ATRNL1: variants seen among roughly 807,000 people sequenced by gnomAD.
The protein encoded by ATRNL1 is attractin-like protein 1.
A neutral mutation model predicts 182.7 loss-of-function variants in ATRNL1; 95 were observed. The ratio of observed to expected loss-of-function variants is 0.52; its 90% CI spans 0.44 to 0.62. The LOEUF is 0.62. Ranked by LOEUF, ATRNL1 falls within the 20% of genes least tolerant of loss-of-function variation. ATRNL1 has a pLI of 0.00. For synonymous variants in ATRNL1, 576 were observed against 568.3 expected (o/e 1.01, Z -0.19); for missense variants, 1,471 against 1,679.5 (o/e 0.88, Z 2.17).
At chr10:115,900,810 C>T (rs1402126801) in intron 28 of ATRNL1, among the ~76,000 whole-genome samples, 5 of 152,070 alleles carry the variant, frequency 3.3e-5, no homozygotes, top group African/African-American at 1.2e-4. Context: ...ATATGAAGAG[C>T]ACCTATAATC....
chr10:115,764,347 A>T (rs1948804575), intron 27 of ATRNL1, among the ~76,000 whole-genome samples: 1 of 151,876 alleles, frequency 6.6e-6, no homozygotes. Flanking sequence ...ACTAGAGTTC[A>T]CTCTTTGAGT....
At chr10:115,405,470 C>T (rs1844772237) in intron 20 of ATRNL1, among the ~76,000 whole-genome samples, 2 of 152,086 alleles carry the variant, frequency 1.3e-5, no homozygotes, top group Admixed American at 6.5e-5. Flanking sequence ...TCAGTGTAAT[C>T]TCTTTTTATA....
chr10:115,789,092 G>T (rs1215093383), intron 27 of ATRNL1, among the ~76,000 whole-genome samples: 10 of 152,222 alleles, frequency 6.6e-5, no homozygotes, highest in African/African-American at 2.4e-4. Context: ...TTAAGTAACA[G>T]AACTTCAGTT....
intron 26 of ATRNL1, among the ~76,000 whole-genome samples, chr10:115,605,565 A>G (rs1555017354): frequency 6.6e-6 from 1 of 152,086 alleles, no homozygotes; most frequent in Non-Finnish European, 1.5e-5. Context: ...AGGGAATTAA[A>G]TCTATTTCAA....
At chr10:115,905,188 G>A (rs1952464691) in intron 28 of ATRNL1, among the ~76,000 whole-genome samples, 1 of 152,088 alleles carries the variant, frequency 6.6e-6, no homozygotes, top group South Asian at 2.1e-4. Flanking sequence ...TGCTAAGTGA[G>A]TAAAGGAGAG....
chr10:115,661,605 A>G (rs1203430484), intron 26 of ATRNL1, among the ~76,000 whole-genome samples: 3 of 152,018 alleles, frequency 2.0e-5, no homozygotes, highest in African/African-American at 7.2e-5. Context: ...TTATTGATTG[A>G]TTATATTTGA....
In ATRNL1 at chr10:115,301,974, G is replaced by A. The variant is rs782674036; in HGVS notation, c.2749G>A (p.Asp917Asn). 5.6e-6 allele frequency: 9 copies of A among 1,613,994 alleles called. No individual in the cohort carries two copies. The highest frequency in any genetic ancestry group is 5.5e-5 in the South Asian group (5 of 91,086). The change falls in exon 17 of 29, where the codon GAC (aspartate) becomes AAC (asparagine). Residue 917 changes from aspartate (D) to asparagine (N), a missense_variant. This residue lies in a region of ATRNL1 where 1,031 missense variants were observed against 1,156.0 expected (regional missense o/e 0.89). Coordinates refer to ENST00000355044, the MANE Select transcript of ATRNL1 (RefSeq NM_207303.4). ...GTGCAGCAGTACGAAACGATGTGTTGACTCTAATGCCTATATCATCTCTTT... is the reference window on the plus strand; with the variant it reads ...GTGCAGCAGTACGAAACGATGTGTTAACTCTAATGCCTATATCATCTCTTT... ...MWCSSTKRCV[D>N]SNAYIISFPY... is the part of the protein sequence containing the mutation.
intron 26 of ATRNL1, among the ~76,000 whole-genome samples, chr10:115,556,516 G>A (rs1050255281): frequency 6.6e-6 from 1 of 152,074 alleles, no homozygotes; most frequent in African/African-American, 2.4e-5. Flanking sequence ...CTGTCATCTG[G>A]CCAGCAGTGA....
At chr10:115,655,408 A>G (rs1860268948) in intron 26 of ATRNL1, among the ~76,000 whole-genome samples, 2 of 152,194 alleles carry the variant, frequency 1.3e-5, no homozygotes, top group Non-Finnish European at 2.9e-5. Flanking sequence ...ATTCCTTATT[A>G]ATTAAGTATT....
chr10:115,113,661 T>G (rs1038026250), intron 1 of ATRNL1, among the ~76,000 whole-genome samples: 8 of 152,166 alleles, frequency 5.3e-5, no homozygotes, highest in Non-Finnish European at 1.2e-4. Flanking sequence ...CTCCTTGCCT[T>G]CCACCATGAT....
At position 115,637,913 on chromosome 10, in the gene ATRNL1, G is replaced by A. The variant is rs114292596; in HGVS notation, c.3795+88377G>A. On this transcript the variant is annotated intron_variant, in intron 26 of 28. Transcript: ENST00000355044. ...GCTAAGATTACAGGCATGAGCCACCGCGCCCGGCTATTAACTTCTTATTAA... is the reference window on the plus strand; with the variant it reads ...GCTAAGATTACAGGCATGAGCCACCACGCCCGGCTATTAACTTCTTATTAA... Among the ~76,000 whole-genome samples the A allele has an allele frequency of 7.1e-3, 1,086 of 152,078 alleles. 13 individuals carry two copies. Among genetic ancestry groups the A allele is most frequent in the African/African-American group, 0.025 (1,023 of 41,498 alleles).
chr10:115,640,725 C>A (rs1555030017), intron 26 of ATRNL1, among the ~76,000 whole-genome samples: 3 of 151,986 alleles, frequency 2.0e-5, no homozygotes, highest in Non-Finnish European at 4.4e-5. Context: ...CTGTAGGTTG[C>A]CTGTTCGCTG....
intron 19 of ATRNL1, among the ~76,000 whole-genome samples, chr10:115,339,940 C>A (rs1475183976): frequency 3.9e-5 from 6 of 152,128 alleles, no homozygotes; most frequent in African/African-American, 1.4e-4. Flanking sequence ...AATGCGTTTT[C>A]ACTGTCAATT....
At position 115,322,383 on chromosome 10, in the gene ATRNL1, G is replaced by C. The variant is rs79123960; in HGVS notation, c.3037+6647G>C. 6.3e-3 allele frequency among the ~76,000 whole-genome samples: 960 copies of C among 151,620 alleles called. 16 individuals carry two copies. The highest frequency in any genetic ancestry group is 0.023 in the African/African-American group (935 of 41,380). The stretch of plus-strand genomic sequence containing the variant: ...TTGTTGCCATGGCCCCAAACCATCA[G>C]GTATCATACCTTTAGCCCAATACAG... On this transcript the variant is annotated intron_variant, in intron 18 of 28. Coordinates refer to ENST00000355044, the MANE Select transcript of ATRNL1 (RefSeq NM_207303.4).
intron 27 of ATRNL1, among the ~76,000 whole-genome samples, chr10:115,815,405 G>T (rs374598361): frequency 2.5e-5 from 3 of 120,068 alleles, no homozygotes; most frequent in South Asian, 3.1e-4. Context: ...CTGGTATGTG[G>T]TGTGTGTGTA....
chr10:115,817,903 A>G (rs1555089106), intron 27 of ATRNL1, among the ~76,000 whole-genome samples: 1 of 119,034 alleles, frequency 8.4e-6, no homozygotes, highest in Admixed American at 9.1e-5. Flanking sequence ...TTCTGTTTTA[A>G]TGTTTAGTCA....
intron 26 of ATRNL1, among the ~76,000 whole-genome samples, chr10:115,594,718 T>G (rs1555013416): frequency 6.6e-6 from 1 of 152,180 alleles, no homozygotes; most frequent in African/African-American, 2.4e-5. Flanking sequence ...TTGGCCAGGC[T>G]GGTCTTAAAC....
intron 8 of ATRNL1, among the ~76,000 whole-genome samples, chr10:115,180,502 T>C (rs1554887676): frequency 6.6e-6 from 1 of 151,970 alleles, no homozygotes; most frequent in Non-Finnish European, 1.5e-5. Context: ...GGATTTGGTA[T>C]CTAGTAAAAT....
intron 26 of ATRNL1, among the ~76,000 whole-genome samples, chr10:115,596,191 C>CTGCCTCAAGCAATTCTCCTGCCTCA (rs1408266568): frequency 1.3e-5 from 2 of 152,196 alleles, no homozygotes; most frequent in East Asian, 3.9e-4. Context: ...CTGCAACCTC[C>CTGCCTCAAGCAATTCTCCTGCCTCA]GCCTCCTGGG....
Sources: gnomAD v4.1 joint callset for allele counts (sites outside exome capture counted in the v4.1 genomes callset) on GRCh38, gnomAD v4.1.1 for gene constraint, gnomAD v4.1.1 regional missense constraint, MANE v1.5 for transcripts, NCBI Gene and HGNC (gene_info 2026-07-23, HGNC 2026-07-21) for gene names.